The following SULT1E1 variants were observed in gnomAD, a reference collection of about 807,000 sequenced individuals.
SULT1E1 encodes the protein sulfotransferase family 1E member 1, also known as sulfotransferase 1E1.
A neutral mutation model predicts 33.6 loss-of-function variants in SULT1E1; 36 were observed. The observed-to-expected ratio is 1.07, with a 90% confidence interval of 0.82 to 1.41. The LOEUF is 1.41. Ranked by LOEUF, SULT1E1 falls within the 40% of genes most tolerant of loss-of-function variation. The probability of loss-of-function intolerance (pLI) is 0.00; values close to 1 mark genes in which losing one functional copy is unlikely to be tolerated. For synonymous variants in SULT1E1, 121 were observed against 111.7 expected (o/e 1.08, Z -0.53); for missense variants, 371 against 345.7 (o/e 1.07, Z -0.58).
rs1353949306 is a variant in SULT1E1, at chr4:69,844,248, G to A, written c.685C>T (p.Gln229Ter). ...VDRIIHHTSFQEMKNNPSTNY... is the reference protein window; with the variant it reads ...VDRIIHHTSF ...GTGGATGGATTGTTCTTCATCTCTT[G>A]GAACGAAGTATGATGTATAATCCTG... Residue 229 changes from glutamine to a stop codon, truncating the protein, a stop_gained, in exon 7 of 8, where the codon CAA (glutamine) becomes TAA (stop). Transcript: ENST00000226444. LOFTEE classifies it high-confidence loss of function. 1 of 1,613,830 alleles carries A rather than the reference G, an allele frequency of 6.2e-7. No individual in the cohort carries two copies. The highest frequency in any genetic ancestry group is 1.7e-5 in the Admixed American group (1 of 60,006).
chr4:69,854,432 T>G, intron 3 of SULT1E1, 118 bp from the exon 4 acceptor site: 1 of 635,718 alleles, frequency 1.6e-6, no homozygotes, highest in South Asian at 2.9e-5. Context: ...AATTAGATTG[T>G]GTGTAACACA....
the SULT1E1 span, among the ~76,000 whole-genome samples, chr4:69,834,247 C>T: frequency 6.6e-6 from 1 of 152,132 alleles, no homozygotes; most frequent in African/African-American, 2.4e-5. Context: ...GGACATCTTC[C>T]TTAGATATCT....
At chr4:69,837,464 A>G (rs1455789434), downstream of SULT1E1, among the ~76,000 whole-genome samples, 2 of 152,118 alleles carry the variant, frequency 1.3e-5, no homozygotes, top group Non-Finnish European at 2.9e-5. Flanking sequence ...GGAGTCAAAG[A>G]AAGTGTTTGT....
intron 4 of SULT1E1, 135 bp downstream of exon 4, chr4:69,854,082 C>T (rs369489730): frequency 1.9e-6 from 1 of 521,284 alleles, no homozygotes; most frequent in Non-Finnish European, 3.3e-6. Flanking sequence ...ACAATATTGA[C>T]TGTATTTATT....
At chr4:69,853,989 A>C (rs1243612239) in intron 4 of SULT1E1, among the ~76,000 whole-genome samples, 1 of 152,138 alleles carries the variant, frequency 6.6e-6, no homozygotes, top group Non-Finnish European at 1.5e-5. Context: ...AGATGTAAAA[A>C]CTTAGGCTTA....
At position 69,857,524 on chromosome 4, in the gene SULT1E1, C is replaced by A. The variant is rs1295363573; in HGVS notation, c.121G>T (p.Val41Phe). 6.2e-7 allele frequency: 1 copy of A among 1,605,922 alleles called. No individual in the cohort carries two copies. The highest frequency in any genetic ancestry group is 8.5e-7 in the Non-Finnish European group (1 of 1,177,968). Residue 41 changes from valine (V) to phenylalanine (F), a missense_variant, in exon 2 of 8, where the codon GTC becomes TTC. By Grantham distance (50) the Val-to-Phe change is conservative. Transcript: ENST00000226444. ...CCAGATTTAGGGTAGGTGGCAATGA[C>A]AAGATCATCTGGTCTTGCCTGGAAC... Reference protein sequence around the residue: ...EAFQARPDDLVIATYPKSGTT... With the variant: ...EAFQARPDDLFIATYPKSGTT...
At chr4:69,827,042 G>A in the SULT1E1 span, among the ~76,000 whole-genome samples, 1 of 152,078 alleles carries the variant, frequency 6.6e-6, no homozygotes, top group Admixed American at 6.6e-5. Flanking sequence ...TGTAGGGGGA[G>A]GGGAATTTGG....
the SULT1E1 span, among the ~76,000 whole-genome samples, chr4:69,825,685 G>C: frequency 6.6e-6 from 1 of 152,170 alleles, no homozygotes; most frequent in South Asian, 2.1e-4. Context: ...TCAATAGAGA[G>C]GAAAGCCATT....
At chr4:69,856,100 G>A (rs929258137) in intron 2 of SULT1E1, among the ~76,000 whole-genome samples, 2 of 152,098 alleles carry the variant, frequency 1.3e-5, no homozygotes, top group Non-Finnish European at 2.9e-5. Flanking sequence ...ACTTGTGGGA[G>A]GTAAGAAACA....
At chr4:69,843,128 G>T (rs955442776) in intron 7 of SULT1E1, among the ~76,000 whole-genome samples, 1 of 152,110 alleles carries the variant, frequency 6.6e-6, no homozygotes, top group Non-Finnish European at 1.5e-5. Context: ...GAGCCACCGC[G>T]CCCAGCCCAC....
intron 4 of SULT1E1, among the ~76,000 whole-genome samples, chr4:69,853,259 T>C (rs1220716): frequency 0.94 from 143,322 of 152,156 alleles, 67,569 homozygotes; most frequent in East Asian, 0.98. Context: ...TCATGTTTTC[T>C]CTGTATTTTG....
chr4:69,825,267 G>T, the SULT1E1 span, among the ~76,000 whole-genome samples: 4 of 152,066 alleles, frequency 2.6e-5, no homozygotes, highest in East Asian at 7.8e-4. Context: ...AAGAAATTCC[G>T]GGCACATCTG....
the SULT1E1 span, among the ~76,000 whole-genome samples, chr4:69,825,580 G>A: frequency 6.6e-6 from 1 of 152,312 alleles, no homozygotes; most frequent in East Asian, 1.9e-4. Flanking sequence ...TTCTGGGAAA[G>A]TGTTCTCTAA....
rs140015465 is a variant in SULT1E1, at chr4:69,850,891, A to T, written c.370-1328T>A. Among the ~76,000 whole-genome samples, 49 of 152,208 alleles carry T rather than the reference A, an allele frequency of 3.2e-4. No homozygotes were observed. The East Asian group carries it at 9.1e-3, about 28-fold the overall frequency. On this transcript the variant is annotated intron_variant, in intron 4 of 7. Coordinates refer to ENST00000226444, the MANE Select transcript of SULT1E1 (RefSeq NM_005420.3). ...TTTGGCAGATCTTATTCAATATCCC[A>T]AACTTTTTACTGTACATGCTCATTT...
chr4:69,844,344 AG>A lies in SULT1E1; in HGVS notation c.592-4del. On this transcript the variant is annotated splice_polypyrimidine_tract_variant and splice_region_variant and intron_variant, in intron 6 of 7. Coordinates refer to ENST00000226444, the MANE Select transcript of SULT1E1 (RefSeq NM_005420.3). ...TTTATCACCTCTTTTCTGATATCCT[AG>A]GGAGAGAAAATGTTTTGAGAACTAA... The A allele has an allele frequency of 6.3e-7, 1 of 1,593,630 alleles. No homozygotes were observed.
chr4:69,825,143 A>G, the SULT1E1 span, among the ~76,000 whole-genome samples: 1 of 152,122 alleles, frequency 6.6e-6, no homozygotes, highest in African/African-American at 2.4e-5. Flanking sequence ...CGAGACCATG[A>G]ACCCACCAGG....
At chr4:69,843,845 A>G (rs989065154) in intron 7 of SULT1E1, among the ~76,000 whole-genome samples, 17 of 152,250 alleles carry the variant, frequency 1.1e-4, no homozygotes, top group African/African-American at 3.9e-4. Flanking sequence ...ACTTAAAGGA[A>G]CTATATGATA....
At chr4:69,853,430 C>T (rs910537265) in intron 4 of SULT1E1, among the ~76,000 whole-genome samples, 1 of 152,118 alleles carries the variant, frequency 6.6e-6, no homozygotes, top group Non-Finnish European at 1.5e-5. Context: ...TCTGCCTTTA[C>T]TTATTTAGCC....
At chr4:69,839,738 A>G (rs1232401248), downstream of SULT1E1, among the ~76,000 whole-genome samples, 1 of 152,196 alleles carries the variant, frequency 6.6e-6, no homozygotes, top group East Asian at 1.9e-4. Flanking sequence ...TCTCCAGTCC[A>G]TATGGACTGT....
Sources: gnomAD v4.1 joint callset for allele counts (sites outside exome capture counted in the v4.1 genomes callset) on GRCh38, gnomAD v4.1.1 for gene constraint, MANE v1.5 for transcripts, NCBI Gene and HGNC (gene_info 2026-07-23, HGNC 2026-07-21) for gene names.